SYNPR: variants seen among roughly 807,000 people sequenced by gnomAD.
SYNPR encodes the protein synaptoporin.
A neutral mutation model predicts 32.9 loss-of-function variants in SYNPR; 23 were observed. The observed-to-expected ratio is 0.70, with a 90% CI of 0.50 to 0.99. The LOEUF (loss-of-function observed/expected upper bound fraction) is 0.99. Among genes scored for constraint, SYNPR ranks in the 50% least tolerant of loss-of-function variants. The probability of loss-of-function intolerance (pLI) is 0.00; values close to 1 mark genes in which losing one functional copy is unlikely to be tolerated. For synonymous variants in SYNPR, 146 were observed against 135.9 expected (o/e 1.07, Z -0.52); for missense variants, 318 against 349.3 (o/e 0.91, Z 0.71).
chr3:63,244,289 T>C (rs1393747502), intron 1 of SYNPR, among the ~76,000 whole-genome samples: 1 of 151,948 alleles, frequency 6.6e-6, no homozygotes. Context: ...CTTCCCCTGC[T>C]CTCCCCACTT....
chr3:63,507,871 G>T (rs1024638176), intron 3 of SYNPR, among the ~76,000 whole-genome samples: 2 of 150,152 alleles, frequency 1.3e-5, no homozygotes, highest in South Asian at 2.1e-4. Context: ...CTGACCTATA[G>T]AAACATAGTA....
At chr3:63,300,752 A>C (rs1332088315) in intron 2 of SYNPR, among the ~76,000 whole-genome samples, 1 of 152,034 alleles carries the variant, frequency 6.6e-6, no homozygotes, top group African/African-American at 2.4e-5. Flanking sequence ...TAACTGGTGA[A>C]ATCAGGATGA....
rs953908053 is a variant in SYNPR, at chr3:63,340,407, T to TA, written c.84+61673dup. Among the ~76,000 whole-genome samples, 153 of 141,104 alleles carry TA rather than the reference T, an allele frequency of 1.1e-3. 1 individual carries two copies. The highest frequency in any genetic ancestry group is 3.5e-3 in the African/African-American group (136 of 38,850). The allele number at this position is 141,104 out of a possible 152,430, so 92.6% of individuals were successfully genotyped here. A position where few individuals can be genotyped will look rare whatever the true frequency, so the allele number is the denominator to read the frequency against. On this transcript the variant is annotated intron_variant, in intron 2 of 5. Coordinates refer to ENST00000478300, the MANE Select transcript of SYNPR (RefSeq NM_001130003.2). ...TCACCACCTAGATTCTACCATTAAT[T>TA]AAAAAAAATGTATTTTTTTTTTTTT...
chr3:63,250,239 T>C (rs11715939), intron 1 of SYNPR, among the ~76,000 whole-genome samples: 27,818 of 152,074 alleles, frequency 0.18, 2,780 homozygotes, highest in Non-Finnish European at 0.21. Context: ...GATATGCTAA[T>C]TGCTCTGGTT....
intron 2 of SYNPR, among the ~76,000 whole-genome samples, chr3:63,288,560 T>C (rs2106927354): frequency 6.6e-6 from 1 of 152,338 alleles, no homozygotes; most frequent in Non-Finnish European, 1.5e-5. Context: ...CTAGCTTGTG[T>C]GATCTTGTCC....
chr3:63,497,239 T>C (rs901902947), intron 3 of SYNPR, among the ~76,000 whole-genome samples: 2 of 152,198 alleles, frequency 1.3e-5, no homozygotes, highest in African/African-American at 4.8e-5. Flanking sequence ...GTATATTGAA[T>C]TAATTTACAT....
chr3:63,378,554 T>A (rs1292202638), intron 2 of SYNPR, among the ~76,000 whole-genome samples: 12 of 152,116 alleles, frequency 7.9e-5, no homozygotes, highest in Admixed American at 7.9e-4. Flanking sequence ...ACTATGAGTA[T>A]GTAATAAGTC....
chr3:63,355,651 T>G (rs552455794), intron 2 of SYNPR, among the ~76,000 whole-genome samples: 1 of 152,288 alleles, frequency 6.6e-6, no homozygotes, highest in South Asian at 2.1e-4. Flanking sequence ...GCTTTCGTTT[T>G]CATCCTCCAT....
chr3:63,395,739 A>G (rs1282706392), intron 2 of SYNPR, among the ~76,000 whole-genome samples: 1 of 152,102 alleles, frequency 6.6e-6, no homozygotes, highest in East Asian at 1.9e-4. Context: ...CATATTATAT[A>G]TATGTTAGCT....
intron 1 of SYNPR, among the ~76,000 whole-genome samples, chr3:63,245,381 A>G (rs1560166910): frequency 6.6e-6 from 1 of 152,030 alleles, no homozygotes; most frequent in Non-Finnish European, 1.5e-5. Context: ...CAAAATGTTT[A>G]TATTTGGTTC....
chr3:63,379,348 T>A (rs186186765), intron 2 of SYNPR, among the ~76,000 whole-genome samples: 5 of 152,284 alleles, frequency 3.3e-5, no homozygotes, highest in Admixed American at 3.3e-4. Context: ...TTGGTGATAT[T>A]CTTGAGTTAT....
the SYNPR span, among the ~76,000 whole-genome samples, chr3:63,201,346 G>C: frequency 6.6e-6 from 1 of 152,118 alleles, no homozygotes; most frequent in Non-Finnish European, 1.5e-5. Flanking sequence ...ATCTGTACTG[G>C]TGCCATCTTT....
At chr3:63,291,930 G>A (rs951451693) in intron 2 of SYNPR, among the ~76,000 whole-genome samples, 1 of 151,916 alleles carries the variant, frequency 6.6e-6, no homozygotes, top group Admixed American at 6.6e-5. Flanking sequence ...TTTCATCATC[G>A]TGCATACACC....
intron 2 of SYNPR, among the ~76,000 whole-genome samples, chr3:63,331,300 A>G (rs2087227580): frequency 6.6e-6 from 1 of 152,196 alleles, no homozygotes; most frequent in Non-Finnish European, 1.5e-5. Flanking sequence ...TTCTGGGACT[A>G]TCATTTCAGA....
chr3:63,539,703 A>G (rs1367078455), intron 3 of SYNPR, among the ~76,000 whole-genome samples: 1 of 152,156 alleles, frequency 6.6e-6, no homozygotes, highest in Non-Finnish European at 1.5e-5. Context: ...GTGATTTCAG[A>G]AAGCACAAGA....
intron 4 of SYNPR, among the ~76,000 whole-genome samples, chr3:63,584,000 G>A (rs1703138746): frequency 6.6e-6 from 1 of 152,092 alleles, no homozygotes; most frequent in Non-Finnish European, 1.5e-5. Context: ...GAGTAGATGG[G>A]GGTGATAGAG....
At chr3:63,335,150 C>T (rs1323809809) in intron 2 of SYNPR, among the ~76,000 whole-genome samples, 2 of 152,044 alleles carry the variant, frequency 1.3e-5, no homozygotes, top group East Asian at 1.9e-4. Context: ...GTCGGGAGAT[C>T]GAGACCATCC....
At chr3:63,321,372 T>A (rs13076588) in intron 2 of SYNPR, among the ~76,000 whole-genome samples, 65,747 of 151,662 alleles carry the variant, frequency 0.43, 14,406 homozygotes, top group Middle Eastern at 0.52. Context: ...TCTCTCTCTA[T>A]TCTTGCTCTG....
the SYNPR span, among the ~76,000 whole-genome samples, chr3:63,217,540 T>C: frequency 9.0e-6 from 1 of 111,360 alleles, no homozygotes; most frequent in African/African-American, 3.4e-5. Flanking sequence ...GCTTCCCAGG[T>C]GAGGCAATGC....
Sources: gnomAD v4.1 joint callset for allele counts (sites outside exome capture counted in the v4.1 genomes callset) on GRCh38, gnomAD v4.1.1 for gene constraint, MANE v1.5 for transcripts, NCBI Gene and HGNC (gene_info 2026-07-23, HGNC 2026-07-21) for gene names.